Variants in CECR2 observed in about 807,000 individuals in gnomAD.
The protein encoded by CECR2 is chromatin remodeling regulator CECR2.
CECR2 carries 30 observed loss-of-function variants against 154.5 expected under a neutral mutation model. The ratio of observed to expected loss-of-function variants is 0.19; its 90% CI spans 0.15 to 0.26. The LOEUF is 0.26. CECR2 is among the 10% of genes least tolerant of loss of function. The pLI, the probability that CECR2 is intolerant of heterozygous loss-of-function variation, is 1.00. For synonymous variants in CECR2, 725 were observed against 683.7 expected (o/e 1.06, Z -0.94); for missense variants, 1,743 against 1,829.3 (o/e 0.95, Z 0.86).
chr22:17,374,042 A>G (rs2063089962), intron 1 of CECR2, among the ~76,000 whole-genome samples: 1 of 152,140 alleles, frequency 6.6e-6, no homozygotes, highest in Admixed American at 6.5e-5. Flanking sequence ...AAGGGAGGAC[A>G]GAATGATTTT....
rs1250155010 is a variant in CECR2, at chr22:17,542,985, G to A, written c.2842G>A (p.Glu948Lys). ...GRAPENSEAQ[E>K]PENDQAEPLP... ...GGCACCGGAGAACAGTGAAGCACAA[G>A]AGCCTGAGAATGACCAAGGTAATTT... The change falls in exon 16 of 19, where the codon GAG becomes AAG. Residue 948 changes from glutamate (E) to lysine (K), a missense_variant. Physicochemically the swap from Glu to Lys is moderately conservative, Grantham distance 56. Around this residue, in one of 4 missense-constraint regions of CECR2, gnomAD observed 1,250 missense variants for 1,192.1 expected, o/e 1.05. Coordinates refer to ENST00000262608, the MANE Select transcript of CECR2 (RefSeq NM_001290047.2). The A allele has an allele frequency of 2.5e-6, 4 of 1,609,514 alleles. No individual in the cohort carries two copies. Among genetic ancestry groups the A allele is most frequent in the African/African-American group, 2.7e-5 (2 of 74,840 alleles).
chr22:17,408,580 T>A (rs1331747474), intron 1 of CECR2, among the ~76,000 whole-genome samples: 1 of 152,212 alleles, frequency 6.6e-6, no homozygotes, highest in South Asian at 2.1e-4. Context: ...ACCCAAGATG[T>A]TTCCGAAACA....
At chr22:17,517,259 C>T (rs984800741) in intron 8 of CECR2, among the ~76,000 whole-genome samples, 5 of 152,222 alleles carry the variant, frequency 3.3e-5, no homozygotes, top group African/African-American at 1.2e-4. Context: ...TCTCTTGCTT[C>T]GCTGTGCTAA....
At chr22:17,454,232 G>A (rs932226951) in intron 1 of CECR2, among the ~76,000 whole-genome samples, 6 of 151,990 alleles carry the variant, frequency 3.9e-5, no homozygotes, top group African/African-American at 1.5e-4. Flanking sequence ...CCAGGATTTT[G>A]AGGCTGCAAT....
At chr22:17,499,572 A>G in intron 4 of CECR2, 23 bp downstream of exon 4, 1 of 1,580,762 alleles carries the variant, frequency 6.3e-7, no homozygotes, top group Non-Finnish European at 8.6e-7. Context: ...GTGTTAGGGC[A>G]TGATAGCTAC....
In CECR2 at chr22:17,524,104, T is replaced by C. The variant is rs779970303; in HGVS notation, c.955-14T>C. The C allele has an allele frequency of 5.7e-6, 9 of 1,572,436 alleles. No homozygotes were observed. The South Asian group carries it at 1.1e-4, about 18-fold the overall frequency. ...ATTGTGTACTGACCGGATGTGCTCA[T>C]TGGCTCCTCACAGGAGACTCCTGTG... On this transcript the variant is annotated splice_polypyrimidine_tract_variant and intron_variant, in intron 8 of 18. Transcript: ENST00000262608.
chr22:17,530,979 A>G (rs1321377788), intron 9 of CECR2, among the ~76,000 whole-genome samples: 1 of 152,182 alleles, frequency 6.6e-6, no homozygotes, highest in Non-Finnish European at 1.5e-5. Context: ...AGAAATGGAT[A>G]CCGGTGATGG....
intron 1 of CECR2, among the ~76,000 whole-genome samples, chr22:17,407,776 G>A (rs1267939427): frequency 6.6e-6 from 1 of 152,170 alleles, no homozygotes; most frequent in African/African-American, 2.4e-5. Context: ...CACAACTCAG[G>A]GGAAGAGGGG....
At chr22:17,524,418 A>C (rs1387054319) in intron 9 of CECR2, 147 bp downstream of exon 9, 5 of 750,996 alleles carry the variant, frequency 6.7e-6, no homozygotes, top group Non-Finnish European at 9.5e-6. Flanking sequence ...TTTGAGACGG[A>C]GTCTCGCTGT....
chr22:17,408,618 G>A (rs79440304), intron 1 of CECR2, among the ~76,000 whole-genome samples: 2,799 of 152,262 alleles, frequency 0.018, 31 homozygotes, highest in Non-Finnish European at 0.03. Context: ...TTAGTGTCCT[G>A]GGATTGGTGT....
intron 1 of CECR2, among the ~76,000 whole-genome samples, chr22:17,442,480 G>C (rs528265751): frequency 6.6e-4 from 101 of 152,320 alleles, no homozygotes; most frequent in African/African-American, 2.4e-3. Flanking sequence ...GGAGGCCGAG[G>C]CAGGAGGATC....
chr22:17,407,076 T>C (rs1175177359), intron 1 of CECR2, among the ~76,000 whole-genome samples: 3 of 152,210 alleles, frequency 2.0e-5, no homozygotes, highest in Non-Finnish European at 4.4e-5. Flanking sequence ...TATTAGCTTA[T>C]TAGCCGTGTT....
chr22:17,513,575 C>G (rs1226089879), intron 8 of CECR2, among the ~76,000 whole-genome samples: 1 of 152,068 alleles, frequency 6.6e-6, no homozygotes, highest in African/African-American at 2.4e-5. Flanking sequence ...TGTGTCTTGC[C>G]CGATGTTTAA....
chr22:17,494,285 G>C (rs939691569), intron 2 of CECR2, among the ~76,000 whole-genome samples: 3 of 152,102 alleles, frequency 2.0e-5, no homozygotes, highest in Non-Finnish European at 4.4e-5. Context: ...CTTTAGTAGA[G>C]ACGGGGTTTC....
At chr22:17,366,887 T>C (rs1342385213), upstream of CECR2, among the ~76,000 whole-genome samples, 1 of 151,824 alleles carries the variant, frequency 6.6e-6, no homozygotes, top group African/African-American at 2.4e-5. Context: ...TTCCAGAGGG[T>C]AGTTGAGGCC....
intron 9 of CECR2, among the ~76,000 whole-genome samples, chr22:17,527,184 A>G (rs1306924070): frequency 6.6e-6 from 1 of 152,176 alleles, no homozygotes; most frequent in African/African-American, 2.4e-5. Flanking sequence ...GAGGCCAGGC[A>G]TGTTGAGTCA....
At chr22:17,440,968 C>T (rs2054576514) in intron 1 of CECR2, among the ~76,000 whole-genome samples, 2 of 125,160 alleles carry the variant, frequency 1.6e-5, no homozygotes, top group African/African-American at 6.0e-5. Flanking sequence ...GGGCAGGGGG[C>T]AGGGGGCGGG....
chr22:17,445,774 G>C (rs907485142), intron 1 of CECR2, among the ~76,000 whole-genome samples: 2 of 151,804 alleles, frequency 1.3e-5, no homozygotes, highest in African/African-American at 4.8e-5. Context: ...TGTATTTTTA[G>C]TAGAGATGGG....
At chr22:17,470,330 C>T (rs952297707) in intron 1 of CECR2, among the ~76,000 whole-genome samples, 2 of 144,400 alleles carry the variant, frequency 1.4e-5, no homozygotes, top group Non-Finnish European at 3.0e-5. Context: ...CCCAGCTACT[C>T]GGGTGGCTGA....
Sources: allele counts gnomAD v4.1 joint callset (sites outside exome capture counted in the v4.1 genomes callset), GRCh38; gene constraint gnomAD v4.1.1; regional missense constraint gnomAD v4.1.1; transcripts MANE v1.5; gene names NCBI Gene and HGNC (gene_info 2026-07-23, HGNC 2026-07-21).